TENM4: variants seen among roughly 807,000 people sequenced by gnomAD.
TENM4 encodes teneurin-4.
A neutral mutation model predicts 243.3 loss-of-function variants in TENM4; 82 were observed. The observed-to-expected ratio is 0.34, with a 90% CI of 0.28 to 0.40. The LOEUF is 0.40. Ranked by LOEUF, TENM4 falls within the 10% of genes least tolerant of loss-of-function variation. TENM4 has a pLI of 1.00. For synonymous variants in TENM4, 1,412 were observed against 1,456.3 expected, an observed-to-expected ratio of 0.97 and a Z score of 0.69; for missense variants, 3,138 against 3,673.3, an observed-to-expected ratio of 0.85 and a Z score of 3.77.
chr11:79,086,662 C>T (rs1487041245), intron 4 of TENM4, among the ~76,000 whole-genome samples: 1 of 151,910 alleles, frequency 6.6e-6, no homozygotes, highest in Admixed American at 6.6e-5. Flanking sequence ...GGTGAAACCT[C>T]ATCTCTACTA....
intron 7 of TENM4, among the ~76,000 whole-genome samples, chr11:78,901,842 G>A (rs562991093): frequency 1.2e-4 from 19 of 152,198 alleles, no homozygotes; most frequent in Non-Finnish European, 2.4e-4. Context: ...GACTGGAGGC[G>A]GGAGCGGGGA....
intron 6 of TENM4, among the ~76,000 whole-genome samples, chr11:78,988,865 C>G (rs1361229859): frequency 6.6e-6 from 1 of 152,180 alleles, no homozygotes; most frequent in Non-Finnish European, 1.5e-5. Context: ...TTTGTGGAGA[C>G]AGGGTCCCAC....
At chr11:79,326,807 T>G (rs990340610) in intron 1 of TENM4, among the ~76,000 whole-genome samples, 1 of 152,350 alleles carries the variant, frequency 6.6e-6, no homozygotes, top group Admixed American at 6.5e-5. Flanking sequence ...AGACACCTTC[T>G]TTTGGGAAGG....
chr11:79,228,657 C>A (rs1287495177), intron 2 of TENM4, among the ~76,000 whole-genome samples: 4 of 151,260 alleles, frequency 2.6e-5, no homozygotes. Flanking sequence ...AAAAAAAAAA[C>A]AAGAAAATTT....
At chr11:79,174,589 T>A (rs1332360031) in intron 3 of TENM4, among the ~76,000 whole-genome samples, 1 of 152,100 alleles carries the variant, frequency 6.6e-6, no homozygotes, top group African/African-American at 2.4e-5. Flanking sequence ...TCAACTGGGC[T>A]CTCTCTGGCT....
rs145479270 is a variant in TENM4, at chr11:78,855,091, T to C, written c.1471-777A>G. On this transcript the variant is annotated intron_variant, in intron 11 of 33. Coordinates refer to ENST00000278550, the MANE Select transcript of TENM4 (RefSeq NM_001098816.3). Reference sequence around the variant, plus strand: ...AGCTAGCTTTAAAAACCAAACAAGATATTTATTCAATTTCATGAAAAACTG... The same window carrying C: ...AGCTAGCTTTAAAAACCAAACAAGACATTTATTCAATTTCATGAAAAACTG... Among the ~76,000 whole-genome samples, 173 of 152,280 alleles carry C rather than the reference T, an allele frequency of 1.1e-3. 1 individual carries two copies. The South Asian group carries it at 0.015, about 13-fold the overall frequency.
At chr11:79,410,531 A>C (rs1858677933) in intron 1 of TENM4, among the ~76,000 whole-genome samples, 1 of 152,236 alleles carries the variant, frequency 6.6e-6, no homozygotes, top group Non-Finnish European at 1.5e-5. Context: ...ATAAACAGGA[A>C]TTACACTATT....
chr11:79,103,827 C>T (rs566260447), intron 4 of TENM4, among the ~76,000 whole-genome samples: 1 of 152,322 alleles, frequency 6.6e-6, no homozygotes, highest in East Asian at 1.9e-4. Context: ...TCCCCACTCG[C>T]TGTCTTAGGC....
At position 78,717,485 on chromosome 11, in the gene TENM4, A is replaced by G. The variant is rs150200795; in HGVS notation, c.3821+2885T>C. Among the ~76,000 whole-genome samples the G allele has an allele frequency of 5.3e-3, 813 of 152,332 alleles. 13 individuals are homozygous for G. The highest frequency in any genetic ancestry group is 0.019 in the African/African-American group (778 of 41,566). On this transcript the variant is annotated intron_variant, in intron 25 of 33. Coordinates refer to ENST00000278550, the MANE Select transcript of TENM4 (RefSeq NM_001098816.3). The stretch of plus-strand genomic sequence containing the variant: ...GGTTCAAATACCAGTTCTACCATCC[A>G]CTTGGCTAAGTGACCCTGGTCACAT...
chr11:78,847,568 T>C (rs1488124587), intron 12 of TENM4, among the ~76,000 whole-genome samples: 1 of 152,216 alleles, frequency 6.6e-6, no homozygotes, highest in African/African-American at 2.4e-5. Context: ...TCATTCCACT[T>C]ATACCAGATT....
chr11:79,234,463 A>G (rs1300330158), intron 2 of TENM4, among the ~76,000 whole-genome samples: 2 of 150,782 alleles, frequency 1.3e-5, no homozygotes, highest in Admixed American at 6.6e-5. Context: ...CATGGGGCTG[A>G]GCTCAATTTC....
intron 4 of TENM4, among the ~76,000 whole-genome samples, chr11:79,119,792 C>T (rs999788116): frequency 6.6e-6 from 1 of 152,206 alleles, no homozygotes; most frequent in African/African-American, 2.4e-5. Flanking sequence ...CCCATCTGTC[C>T]TCTCCAGATG....
intron 1 of TENM4, among the ~76,000 whole-genome samples, chr11:79,313,144 T>C (rs982620133): frequency 2.6e-5 from 4 of 152,234 alleles, no homozygotes; most frequent in Non-Finnish European, 5.9e-5. Flanking sequence ...CTAAGACCCA[T>C]TTTCAGGCAT....
At chr11:79,026,287 T>C (rs1859076028) in intron 6 of TENM4, among the ~76,000 whole-genome samples, 6 of 152,078 alleles carry the variant, frequency 3.9e-5, no homozygotes, top group Admixed American at 3.9e-4. Context: ...CTTGAAAGGG[T>C]TGTTCAACCA....
chr11:78,909,686 G>A (rs1013954953), intron 6 of TENM4, among the ~76,000 whole-genome samples: 1 of 152,246 alleles, frequency 6.6e-6, no homozygotes, highest in Non-Finnish European at 1.5e-5. Flanking sequence ...AAAGGTTTCT[G>A]AGAAGTGACA....
intron 6 of TENM4, among the ~76,000 whole-genome samples, chr11:78,922,032 C>T (rs1214602373): frequency 6.6e-6 from 1 of 152,176 alleles, no homozygotes; most frequent in Non-Finnish European, 1.5e-5. Flanking sequence ...GGCACCCAGG[C>T]TGTATATTGA....
At chr11:79,000,015 G>A (rs571688933) in intron 6 of TENM4, among the ~76,000 whole-genome samples, 2 of 152,134 alleles carry the variant, frequency 1.3e-5, no homozygotes, top group Non-Finnish European at 2.9e-5. Context: ...TTGAAAATTG[G>A]TAAGAGAAAA....
intron 32 of TENM4, among the ~76,000 whole-genome samples, chr11:78,664,990 G>A (rs576598932): frequency 6.6e-6 from 1 of 152,276 alleles, no homozygotes; most frequent in East Asian, 1.9e-4. Context: ...GTGCTCCTCT[G>A]AAGAGCTGGG....
intron 3 of TENM4, among the ~76,000 whole-genome samples, chr11:79,164,723 TATTCTCATGATAGTCAAAA>T (rs1427496582): frequency 2.0e-5 from 3 of 151,540 alleles, no homozygotes; most frequent in South Asian, 2.1e-4. Flanking sequence ...TTTCCCATGC[TATTCTCATGATAGTCAAAA>T]AGTCTCACAA....
Sources: gnomAD v4.1 joint callset for allele counts (sites outside exome capture counted in the v4.1 genomes callset) on GRCh38, gnomAD v4.1.1 for gene constraint, MANE v1.5 for transcripts, NCBI Gene and HGNC (gene_info 2026-07-23, HGNC 2026-07-21) for gene names.